The following LSM11 variants were observed in gnomAD, a reference collection of about 807,000 sequenced individuals.
LSM11 encodes the protein U7 snRNA-associated Sm-like protein LSm11.
A neutral mutation model predicts 28.1 loss-of-function variants in LSM11; 14 were observed. That is an observed-to-expected ratio of 0.50 (90% CI 0.33 to 0.78). The LOEUF (loss-of-function observed/expected upper bound fraction) is 0.78. LSM11 is among the 30% of genes least tolerant of loss of function. The pLI, the probability that LSM11 is intolerant of heterozygous loss-of-function variation, is 0.02. For synonymous variants in LSM11, 207 were observed against 214.2 expected (o/e 0.97, Z 0.30); for missense variants, 495 against 510.6 (o/e 0.97, Z 0.30).
chr5:157,750,085 G>A (rs1012567059), intron 1 of LSM11, among the ~76,000 whole-genome samples: 1 of 152,084 alleles, frequency 6.6e-6, no homozygotes, highest in Non-Finnish European at 1.5e-5. Flanking sequence ...GACTGTGTAC[G>A]CACGAGAAAG....
chr5:157,754,214 G>C lies in LSM11; in HGVS notation c.672+127G>C, dbSNP rs542921257. 5 of 525,150 alleles carry C rather than the reference G, an allele frequency of 9.5e-6. No individual in the cohort carries two copies. In the African/African-American group the frequency reaches 9.9e-5, roughly 10 times the overall value. 32.5% of individuals were successfully genotyped at this position (525,150 alleles called of 1,614,324 possible). A position where few individuals can be genotyped will look rare whatever the true frequency, so the allele number is the denominator to read the frequency against. Reference sequence around the variant, plus strand: ...CTGTTGCTATAAACCAGCTGTGCCTGTACCAAGGTATTCCTTAGTTCCTCT... The same window carrying C: ...CTGTTGCTATAAACCAGCTGTGCCTCTACCAAGGTATTCCTTAGTTCCTCT... On this transcript the variant is annotated intron_variant, in intron 3 of 3. Coordinates refer to ENST00000286307, the MANE Select transcript of LSM11 (RefSeq NM_173491.4).
chr5:157,758,299 T>C lies in LSM11; in HGVS notation c.*3035T>C, dbSNP rs1761362090. ...TTTTGTATTTTTAGTAGAGAAGGGG[T>C]TTTACCGTGTTAGCCAGGCTGGTCT... On this transcript the variant is annotated 3_prime_UTR_variant, in exon 4 of 4. Coordinates refer to ENST00000286307, the MANE Select transcript of LSM11 (RefSeq NM_173491.4). 6.6e-6 allele frequency: 1 copy of C among 152,024 alleles called. No homozygotes were observed. The highest frequency in any genetic ancestry group is 2.4e-5 in the African/African-American group (1 of 41,384). The allele number at this position is 152,024 out of a possible 1,614,324, so 9.4% of individuals were successfully genotyped here. A position where few individuals can be genotyped will look rare whatever the true frequency, so the allele number is the denominator to read the frequency against.
At chr5:157,747,183 C>A (rs543211054) in intron 1 of LSM11, among the ~76,000 whole-genome samples, 1 of 152,276 alleles carries the variant, frequency 6.6e-6, no homozygotes, top group East Asian at 1.9e-4. Flanking sequence ...TCCTTAGTAT[C>A]GCAGCACCAT....
intron 3 of LSM11, 68 bp from the exon 4 acceptor site, chr5:157,754,786 T>C: frequency 7.1e-7 from 1 of 1,414,270 alleles, no homozygotes; most frequent in Non-Finnish European, 9.6e-7. Flanking sequence ...TTGGTCTTTT[T>C]CTGTATGTTG....
At chr5:157,751,231 G>A (rs1478773364) in intron 1 of LSM11, among the ~76,000 whole-genome samples, 159 bp from the exon 2 acceptor site, 5 of 152,164 alleles carry the variant, frequency 3.3e-5, no homozygotes, top group African/African-American at 7.2e-5. Context: ...TGTGTTGGCC[G>A]TACGAGCCAT....
intron 1 of LSM11, among the ~76,000 whole-genome samples, chr5:157,747,104 T>C (rs1319498704): frequency 6.6e-6 from 1 of 152,196 alleles, no homozygotes; most frequent in Non-Finnish European, 1.5e-5. Context: ...TTGACATGCC[T>C]ATAGAGATGG....
rs754781366 is a variant in LSM11, at chr5:157,743,967, G to T, written c.217G>T (p.Gly73Trp). 1.6e-5 allele frequency: 20 copies of T among 1,287,448 alleles called. No homozygotes were observed. The highest frequency in any genetic ancestry group is 3.1e-5 in the East Asian group (1 of 31,986). 79.8% of individuals were successfully genotyped at this position (1,287,448 alleles called of 1,614,324 possible). Reference protein sequence around the residue: ...LRTGVRGGGRGRGRARGAAAG... With the variant: ...LRTGVRGGGRWRGRARGAAAG... ...GACCGGAGTCCGGGGCGGCGGGCGC[G>T]GGCGCGGGCGGGCTCGGGGCGCGGC... The change falls in exon 1 of 4, where the codon GGG becomes TGG. Residue 73 changes from glycine to tryptophan, a missense_variant. By Grantham distance (184) the Gly-to-Trp change is radical (BLOSUM62 -2). Coordinates refer to ENST00000286307, the MANE Select transcript of LSM11 (RefSeq NM_173491.4).
rs1487154857 is a variant in LSM11, at chr5:157,757,292, G to A, written c.*2028G>A. ...CATTCCTTCCTCCTAAGGGACAATGGAAGTTCTCAGAAGAGTATCTTCAGT... is the reference window on the plus strand; with the variant it reads ...CATTCCTTCCTCCTAAGGGACAATGAAAGTTCTCAGAAGAGTATCTTCAGT... On this transcript the variant is annotated 3_prime_UTR_variant, in exon 4 of 4. Coordinates refer to ENST00000286307, the MANE Select transcript of LSM11 (RefSeq NM_173491.4). The A allele has an allele frequency of 6.6e-6, 1 of 152,250 alleles. No individual in the cohort carries two copies. The highest frequency in any genetic ancestry group is 1.9e-4 in the East Asian group (1 of 5,182). 9.4% of individuals were successfully genotyped at this position (152,250 alleles called of 1,614,324 possible). A position where few individuals can be genotyped will look rare whatever the true frequency, so the allele number is the denominator to read the frequency against.
At chr5:157,745,141 T>A (rs1215311563) in intron 1 of LSM11, among the ~76,000 whole-genome samples, 1 of 152,148 alleles carries the variant, frequency 6.6e-6, no homozygotes, top group Non-Finnish European at 1.5e-5. Context: ...CAGCCTAAGG[T>A]TATCTCTTTT....
rs1168546640 is a variant in LSM11 at position 157,755,423 on chromosome 5, G to A, written c.*159G>A. The A allele has an allele frequency of 1.3e-6, 1 of 762,154 alleles. No individual in the cohort carries two copies. The highest frequency in any genetic ancestry group is 1.8e-5 in the African/African-American group (1 of 56,780). 47.2% of individuals were successfully genotyped at this position (762,154 alleles called of 1,614,324 possible). On this transcript the variant is annotated 3_prime_UTR_variant, in exon 4 of 4. Coordinates refer to ENST00000286307, the MANE Select transcript of LSM11 (RefSeq NM_173491.4). ...TCAGCCCCCTGGAAGATGAGCTCAAGGGGAGGACAGGCCTTGGGAGGGCAG... is the reference window on the plus strand; with the variant it reads ...TCAGCCCCCTGGAAGATGAGCTCAAAGGGAGGACAGGCCTTGGGAGGGCAG...
rs1209471914 is a variant in LSM11 at position 157,755,041 on chromosome 5, C to T, written c.860C>T (p.Ala287Val). ...CGCTCTGTCCCTTCTTCCCTGCAGG[C>T]CTCTGCAAGGGAGGAGTCCAGGTCA... ...RSRSVPSSLQASAREESRSEL... is the reference protein window; with the variant it reads ...RSRSVPSSLQVSAREESRSEL... The change falls in exon 4 of 4, where the codon GCC becomes GTC. Residue 287 changes from alanine to valine, a missense_variant. Transcript: ENST00000286307. 28 of 1,614,208 alleles carry T rather than the reference C, an allele frequency of 1.7e-5. No individual in the cohort carries two copies. The highest frequency in any genetic ancestry group is 2.3e-5 in the Non-Finnish European group (27 of 1,180,028).
intron 2 of LSM11, 87 bp from the exon 3 acceptor site, chr5:157,753,917 T>C: frequency 1.1e-6 from 1 of 945,842 alleles, no homozygotes; most frequent in Non-Finnish European, 1.5e-6. Context: ...TAGATGTTAC[T>C]CTGCCTTTTT....
At chr5:157,745,564 C>G (rs946004943) in intron 1 of LSM11, among the ~76,000 whole-genome samples, 1 of 152,272 alleles carries the variant, frequency 6.6e-6, no homozygotes, top group African/African-American at 2.4e-5. Flanking sequence ...ACATTTATTT[C>G]TATTTTACCA....
chr5:157,750,301 C>T (rs1169834513), intron 1 of LSM11, among the ~76,000 whole-genome samples: 1 of 152,154 alleles, frequency 6.6e-6, no homozygotes, highest in African/African-American at 2.4e-5. Flanking sequence ...ATACCATAGC[C>T]AGCATATTGT....
chr5:157,746,023 C>T (rs1382444002), intron 1 of LSM11, among the ~76,000 whole-genome samples: 5 of 152,012 alleles, frequency 3.3e-5, no homozygotes, highest in East Asian at 1.9e-4. Context: ...CAGTGACACA[C>T]GATTTACACC....
At position 157,760,132 on chromosome 5, in the gene LSM11, G is replaced by A. The variant is rs990021995; in HGVS notation, c.*4868G>A. 2 of 152,180 alleles carry A rather than the reference G, an allele frequency of 1.3e-5. No homozygotes were observed. Among genetic ancestry groups the A allele is most frequent in the Admixed American group, 6.5e-5 (1 of 15,286 alleles). The allele number at this position is 152,180 out of a possible 1,614,324, so 9.4% of individuals were successfully genotyped here. A position where few individuals can be genotyped will look rare whatever the true frequency, so the allele number is the denominator to read the frequency against. ...TGGAAAGATGGGGACTGTCCCTTAGGAAAGCCATAAAAGTGATTCCCAATA... is the reference window on the plus strand; with the variant it reads ...TGGAAAGATGGGGACTGTCCCTTAGAAAAGCCATAAAAGTGATTCCCAATA... On this transcript the variant is annotated 3_prime_UTR_variant, in exon 4 of 4. Coordinates refer to ENST00000286307, the MANE Select transcript of LSM11 (RefSeq NM_173491.4).
At chr5:157,749,587 C>T (rs936391395) in intron 1 of LSM11, among the ~76,000 whole-genome samples, 22 of 103,258 alleles carry the variant, frequency 2.1e-4, no homozygotes, top group African/African-American at 2.7e-4. Context: ...CGCGCACGCG[C>T]GCACACACAC....
chr5:157,760,553 G>A lies in LSM11; in HGVS notation c.*5289G>A, dbSNP rs1395659154. 1 of 152,138 alleles carries A rather than the reference G, an allele frequency of 6.6e-6. No homozygotes were observed. Among genetic ancestry groups the A allele is most frequent in the East Asian group, 1.9e-4 (1 of 5,192 alleles). The allele number at this position is 152,138 out of a possible 1,614,324, so 9.4% of individuals were successfully genotyped here. A position where few individuals can be genotyped will look rare whatever the true frequency, so the allele number is the denominator to read the frequency against. ...TACCAGCTGCTACAAGAAAAACCAT[G>A]ACTTGTAAGTTTGTCTTTACTCCTA... On this transcript the variant is annotated 3_prime_UTR_variant, in exon 4 of 4. Transcript: ENST00000286307.
chr5:157,754,692 CAAA>C (rs34644413), intron 3 of LSM11, among the ~76,000 whole-genome samples, 159 bp from the exon 4 acceptor site: 3,428 of 90,332 alleles, frequency 0.038, 91 homozygotes, highest in African/African-American at 0.14. Flanking sequence ...ACTCCGTCTC[CAAA>C]AAAAAAAAAA....
Sources: allele counts gnomAD v4.1 joint callset (sites outside exome capture counted in the v4.1 genomes callset), GRCh38; gene constraint gnomAD v4.1.1; transcripts MANE v1.5; gene names NCBI Gene and HGNC (gene_info 2026-07-23, HGNC 2026-07-21).